The following MCU variants were observed in gnomAD, a reference collection of about 807,000 sequenced individuals.
The protein encoded by MCU is calcium uniporter protein, mitochondrial.
Under a neutral mutation model 45.2 loss-of-function variants are expected in MCU, and 12 were observed. The observed-to-expected ratio is 0.27, with a 90% CI of 0.17 to 0.43. The LOEUF (loss-of-function observed/expected upper bound fraction) is 0.43, where lower values mean the gene tolerates loss of function less well. Ranked by LOEUF, MCU falls within the 20% of genes least tolerant of loss-of-function variation. The pLI is 1.00. For synonymous variants in MCU, 160 were observed against 165.1 expected (o/e 0.97, Z 0.24); for missense variants, 324 against 436.7 (o/e 0.74, Z 2.30).
chr10:72,709,786 C>T (rs1842867187), intron 1 of MCU, among the ~76,000 whole-genome samples: 1 of 152,086 alleles, frequency 6.6e-6, no homozygotes, highest in Admixed American at 6.5e-5. Context: ...GATAGTAAAA[C>T]AGGATTTTAG....
At chr10:72,845,022 A>AG (rs1319675557) in intron 2 of MCU, among the ~76,000 whole-genome samples, 1 of 152,192 alleles carries the variant, frequency 6.6e-6, no homozygotes, top group Non-Finnish European at 1.5e-5. Context: ...TAGGAAAACA[A>AG]GGGGGCATGT....
At chr10:72,729,952 CTTTTTTTT>C (rs58668483) in intron 1 of MCU, among the ~76,000 whole-genome samples, 1 of 90,552 alleles carries the variant, frequency 1.1e-5, no homozygotes, top group Non-Finnish European at 2.3e-5. Context: ...CTTCAGCATT[CTTTTTTTT>C]TTTTTTTTTT....
At chr10:72,729,952 CTTTTTTTTTTT>C (rs58668483) in intron 1 of MCU, among the ~76,000 whole-genome samples, 3 of 90,530 alleles carry the variant, frequency 3.3e-5, no homozygotes, top group South Asian at 7.2e-4. Flanking sequence ...CTTCAGCATT[CTTTTTTTTTTT>C]TTTTTTTTTT....
At chr10:72,817,207 C>T (rs1376963961) in intron 1 of MCU, among the ~76,000 whole-genome samples, 3 of 152,264 alleles carry the variant, frequency 2.0e-5, no homozygotes, top group South Asian at 2.1e-4. Context: ...TTCAAGCTTC[C>T]GCCTTGGAGA....
chr10:72,882,526 C>G (rs539180633), intron 6 of MCU, among the ~76,000 whole-genome samples: 5 of 152,126 alleles, frequency 3.3e-5, no homozygotes, highest in East Asian at 1.9e-4. Flanking sequence ...CTTCTATGGT[C>G]GAAACTGTAG....
In MCU at chr10:72,871,247, A is replaced by G. The variant is rs148413240; in HGVS notation, c.658-130A>G. 16 of 804,646 alleles carry G rather than the reference A, an allele frequency of 2.0e-5. No homozygotes were observed. In the East Asian group the frequency reaches 3.9e-4, roughly 20 times the overall value. 49.8% of individuals were successfully genotyped at this position (804,646 alleles called of 1,614,324 possible). A position where few individuals can be genotyped will look rare whatever the true frequency, so the allele number is the denominator to read the frequency against. On this transcript the variant is annotated intron_variant, in intron 5 of 7. Transcript: ENST00000373053. ...ACTGCAGATACTATTTAGGAAGACA[A>G]GCTATATTTACTAGAATTGAGACTT...
chr10:72,772,939 A>AC (rs71021531), intron 1 of MCU, among the ~76,000 whole-genome samples: 152,250 of 152,250 alleles, frequency 1, 76,125 homozygotes, highest in Non-Finnish European at 1. Context: ...TTTCCTTGTC[A>AC]CTAGGCTGGA....
chr10:72,884,574 A>G lies in MCU; in HGVS notation c.978+192A>G, dbSNP rs569283552. ...CATTTCTCTAGAAAGTTTTATAAAA[A>G]GCAAGTGAGAAGATGGTGTGTTTGC... On this transcript the variant is annotated intron_variant, in intron 7 of 7. Coordinates refer to ENST00000373053, the MANE Select transcript of MCU (RefSeq NM_138357.3). The G allele has an allele frequency of 1.1e-4, 54 of 495,076 alleles. 1 individual carries two copies. In the South Asian group the frequency reaches 1.7e-3, roughly 16 times the overall value. The allele number at this position is 495,076 out of a possible 1,614,324, so 30.7% of individuals were successfully genotyped here. A position where few individuals can be genotyped will look rare whatever the true frequency, so the allele number is the denominator to read the frequency against.
chr10:72,822,171 C>T (rs1844722026), intron 1 of MCU, among the ~76,000 whole-genome samples: 1 of 152,084 alleles, frequency 6.6e-6, no homozygotes, highest in Non-Finnish European at 1.5e-5. Flanking sequence ...TACTAGGAGG[C>T]TGAGGCAGGA....
intron 1 of MCU, among the ~76,000 whole-genome samples, chr10:72,814,138 A>G (rs1435495788): frequency 2.0e-5 from 3 of 152,228 alleles, no homozygotes; most frequent in Admixed American, 6.5e-5. Context: ...CAAATGGAAG[A>G]GTGCAACAAG....
intron 1 of MCU, among the ~76,000 whole-genome samples, chr10:72,802,836 A>G (rs1844363783): frequency 6.6e-6 from 1 of 152,232 alleles, no homozygotes; most frequent in Admixed American, 6.5e-5. Context: ...ATCCTTTACA[A>G]AAACATCACC....
chr10:72,812,260 C>T (rs1235367421), intron 1 of MCU, among the ~76,000 whole-genome samples: 1 of 152,098 alleles, frequency 6.6e-6, no homozygotes, highest in Non-Finnish European at 1.5e-5. Flanking sequence ...ATTCTCCTGT[C>T]TCAGCCTCCC....
chr10:72,849,923 T>C (rs958529245), intron 2 of MCU, among the ~76,000 whole-genome samples: 2 of 151,912 alleles, frequency 1.3e-5, no homozygotes, highest in Non-Finnish European at 2.9e-5. Flanking sequence ...TTCTTTTTTT[T>C]TTTTTTTTAG....
At chr10:72,714,256 C>T (rs1439908130) in intron 1 of MCU, among the ~76,000 whole-genome samples, 1 of 150,206 alleles carries the variant, frequency 6.7e-6, no homozygotes, top group African/African-American at 2.5e-5. Context: ...TGAGCTACCA[C>T]GCCTGGCCAA....
intron 1 of MCU, among the ~76,000 whole-genome samples, chr10:72,802,448 C>T (rs545017720): frequency 6.6e-6 from 1 of 150,500 alleles, no homozygotes; most frequent in South Asian, 2.1e-4. Flanking sequence ...TCAGAGCTAA[C>T]CACTCTGGCT....
intron 1 of MCU, among the ~76,000 whole-genome samples, chr10:72,796,693 G>GTTTTTTT (rs34029455): frequency 6.7e-5 from 9 of 133,954 alleles, no homozygotes; most frequent in Non-Finnish European, 9.5e-5. Context: ...TTTAGTTTTT[G>GTTTTTTT]TTTTTTTTTT....
At chr10:72,720,306 G>A (rs948137168) in intron 1 of MCU, among the ~76,000 whole-genome samples, 2 of 152,304 alleles carry the variant, frequency 1.3e-5, no homozygotes, top group Non-Finnish European at 2.9e-5. Flanking sequence ...AAGAAATAAA[G>A]ACAGGAAGGT....
At chr10:72,814,397 A>G (rs1006482044) in intron 1 of MCU, among the ~76,000 whole-genome samples, 5 of 151,998 alleles carry the variant, frequency 3.3e-5, no homozygotes, top group African/African-American at 1.2e-4. Context: ...TTTTTTTAAT[A>G]TATCTTTCAT....
chr10:72,758,024 C>CTA (rs1301369218), intron 1 of MCU, among the ~76,000 whole-genome samples: 3 of 152,154 alleles, frequency 2.0e-5, no homozygotes, highest in Non-Finnish European at 2.9e-5. Context: ...AGGTGGGGAA[C>CTA]TATGGGAAGG....
Sources: gnomAD v4.1 joint callset for allele counts (sites outside exome capture counted in the v4.1 genomes callset) on GRCh38, gnomAD v4.1.1 for gene constraint, MANE v1.5 for transcripts, NCBI Gene and HGNC (gene_info 2026-07-23, HGNC 2026-07-21) for gene names.